The following KCNH8 variants were observed in gnomAD, a reference collection of about 807,000 sequenced individuals.
The protein encoded by KCNH8 is potassium voltage-gated channel subfamily H member 8.
In KCNH8, 70 loss-of-function variants were observed where a neutral mutation model predicts 103.6. The observed-to-expected ratio is 0.68, with a 90% CI of 0.56 to 0.82. The LOEUF (loss-of-function observed/expected upper bound fraction) is 0.82, where lower values mean the gene tolerates loss of function less well. Ranked by LOEUF, KCNH8 falls within the 40% of genes least tolerant of loss-of-function variation. The pLI is 0.00. For synonymous variants in KCNH8, 498 were observed against 489.4 expected (o/e 1.02, Z -0.23); for missense variants, 1,217 against 1,329.9 (o/e 0.92, Z 1.32).
intron 11 of KCNH8, among the ~76,000 whole-genome samples, chr3:19,502,609 C>G (rs1240244511): frequency 2.6e-5 from 4 of 152,080 alleles, no homozygotes; most frequent in African/African-American, 9.7e-5. Context: ...ACAGAGCCCT[C>G]AGAAATAACG....
At position 19,517,979 on chromosome 3, in the gene KCNH8, T is replaced by C. The variant is rs1476547274; in HGVS notation, c.2543-19T>C. The stretch of plus-strand genomic sequence containing the variant: ...GTTTATTCCTAAAGGACTCATTCTG[T>C]ATGTGTGTCACTTTTCAGATCCAGA... On this transcript the variant is annotated intron_variant, in intron 14 of 15. Transcript: ENST00000328405. 3.7e-6 allele frequency: 6 copies of C among 1,602,174 alleles called. No homozygotes were observed. The highest frequency in any genetic ancestry group is 1.3e-5 in the African/African-American group (1 of 74,670).
chr3:19,344,464 C>T (rs1233281116), intron 4 of KCNH8, among the ~76,000 whole-genome samples: 1 of 152,028 alleles, frequency 6.6e-6, no homozygotes, highest in South Asian at 2.1e-4. Flanking sequence ...AATTGCCATT[C>T]ATTTAAGAAA....
At chr3:19,207,346 T>G (rs113728218) in intron 1 of KCNH8, among the ~76,000 whole-genome samples, 1 of 152,046 alleles carries the variant, frequency 6.6e-6, no homozygotes, top group East Asian at 1.9e-4. Context: ...AGACTGTTAT[T>G]TTCTTTTGTA....
chr3:19,205,755 G>A (rs1049910904), intron 1 of KCNH8, among the ~76,000 whole-genome samples: 1 of 152,014 alleles, frequency 6.6e-6, no homozygotes, highest in East Asian at 1.9e-4. Context: ...GGCATTCCAG[G>A]AAGCATAAAA....
intron 7 of KCNH8, among the ~76,000 whole-genome samples, chr3:19,430,801 A>G (rs1277372120): frequency 6.6e-6 from 1 of 152,066 alleles, no homozygotes; most frequent in East Asian, 1.9e-4. Context: ...TTGTTGATAT[A>G]TAGAAATGCT....
chr3:19,458,303 A>G (rs2067565151), intron 11 of KCNH8, among the ~76,000 whole-genome samples: 1 of 151,998 alleles, frequency 6.6e-6, no homozygotes, highest in South Asian at 2.1e-4. Context: ...TGTGCTCACC[A>G]TGACAGCATA....
At chr3:19,235,278 AAAT>A (rs2064049772) in intron 1 of KCNH8, among the ~76,000 whole-genome samples, 1 of 152,202 alleles carries the variant, frequency 6.6e-6, no homozygotes. Context: ...GGTAACTTCA[AAAT>A]AATCCATATA....
At chr3:19,376,309 T>C (rs1008860897) in intron 5 of KCNH8, among the ~76,000 whole-genome samples, 4 of 152,200 alleles carry the variant, frequency 2.6e-5, no homozygotes, top group Non-Finnish European at 2.9e-5. Context: ...TGGTGCGCCA[T>C]TTTTGAAGCC....
intron 11 of KCNH8, among the ~76,000 whole-genome samples, chr3:19,489,613 T>A (rs952504198): frequency 6.6e-6 from 1 of 152,108 alleles, no homozygotes; most frequent in Non-Finnish European, 1.5e-5. Context: ...AACTCCATAG[T>A]CTCCCTTAAA....
At chr3:19,222,128 C>A (rs980121761) in intron 1 of KCNH8, among the ~76,000 whole-genome samples, 1 of 152,160 alleles carries the variant, frequency 6.6e-6, no homozygotes, top group Non-Finnish European at 1.5e-5. Context: ...GGATTACAGG[C>A]GTGAGCCACT....
chr3:19,232,099 A>G (rs1163190359), intron 1 of KCNH8, among the ~76,000 whole-genome samples: 2 of 152,186 alleles, frequency 1.3e-5, no homozygotes, highest in Admixed American at 6.5e-5. Flanking sequence ...TTAGTGTGAA[A>G]ATAATTGACA....
At chr3:19,264,998 C>G (rs992587091) in intron 2 of KCNH8, among the ~76,000 whole-genome samples, 1 of 152,100 alleles carries the variant, frequency 6.6e-6, no homozygotes, top group South Asian at 2.1e-4. Flanking sequence ...ACTCCCTCAC[C>G]TGCCCTTAGT....
intron 11 of KCNH8, among the ~76,000 whole-genome samples, chr3:19,470,311 C>A (rs190350631): frequency 6.6e-6 from 1 of 152,166 alleles, no homozygotes; most frequent in Non-Finnish European, 1.5e-5. Context: ...GGAACTCTTA[C>A]AGTCAGGCTC....
chr3:19,454,858 G>A lies in KCNH8; in HGVS notation c.1826-1910G>A, dbSNP rs139480991. 7.7e-3 allele frequency among the ~76,000 whole-genome samples: 1,164 copies of A among 152,102 alleles called. 7 individuals are homozygous for A. The highest frequency in any genetic ancestry group is 0.013 in the Non-Finnish European group (867 of 67,982). On this transcript the variant is annotated intron_variant, in intron 10 of 15. Transcript: ENST00000328405. Reference sequence around the variant, plus strand: ...ATTCTAAACACTGGTATGTGGTACTGGGACTAAACTCAACAAAGACAATAA... The same window carrying A: ...ATTCTAAACACTGGTATGTGGTACTAGGACTAAACTCAACAAAGACAATAA...
intron 7 of KCNH8, among the ~76,000 whole-genome samples, chr3:19,420,852 C>G (rs1295191992): frequency 6.6e-6 from 1 of 152,112 alleles, no homozygotes; most frequent in African/African-American, 2.4e-5. Context: ...TTATTGGCAA[C>G]TGAGGATATG....
intron 14 of KCNH8, among the ~76,000 whole-genome samples, chr3:19,517,558 C>T (rs757644495): frequency 6.6e-6 from 1 of 151,900 alleles, no homozygotes; most frequent in Non-Finnish European, 1.5e-5. Context: ...ATATCAGTAT[C>T]TGATATATAT....
intron 5 of KCNH8, among the ~76,000 whole-genome samples, chr3:19,374,602 A>T (rs1238371542): frequency 1.3e-5 from 2 of 152,046 alleles, no homozygotes; most frequent in Non-Finnish European, 2.9e-5. Flanking sequence ...TAGTCCATTT[A>T]CATTTAAGGT....
rs566595993 is a variant in KCNH8, at chr3:19,464,551, T to C, written c.2040+7569T>C. On this transcript the variant is annotated intron_variant, in intron 11 of 15. Coordinates refer to ENST00000328405, the MANE Select transcript of KCNH8 (RefSeq NM_144633.3). ...AGAAATTTACTAAAATGAGGAACTT[T>C]TATTCATCAAAAGACAGCAGTAACA... Among the ~76,000 whole-genome samples, 262 of 152,242 alleles carry C rather than the reference T, an allele frequency of 1.7e-3. 1 individual carries two copies. The highest frequency in any genetic ancestry group is 3.3e-3 in the Non-Finnish European group (221 of 67,986).
chr3:19,425,211 C>G (rs2067010756), intron 7 of KCNH8, among the ~76,000 whole-genome samples: 1 of 152,164 alleles, frequency 6.6e-6, no homozygotes, highest in Non-Finnish European at 1.5e-5. Context: ...TTTACCTGGC[C>G]TAGTAATTAT....
Sources: allele counts gnomAD v4.1 joint callset (sites outside exome capture counted in the v4.1 genomes callset), GRCh38; gene constraint gnomAD v4.1.1; transcripts MANE v1.5; gene names NCBI Gene and HGNC (gene_info 2026-07-23, HGNC 2026-07-21).